The following CACNB2 variants were observed in gnomAD, a reference collection of about 807,000 sequenced individuals.
CACNB2 encodes voltage-dependent L-type calcium channel subunit beta-2.
In CACNB2, 42 loss-of-function variants were observed where a neutral mutation model predicts 73.3. That is an observed-to-expected ratio of 0.57 (90% CI 0.45 to 0.74). The LOEUF is 0.74. Among genes scored for constraint, CACNB2 ranks in the 30% least tolerant of loss-of-function variants. The pLI, the probability that CACNB2 is intolerant of heterozygous loss-of-function variation, is 0.00. For synonymous variants in CACNB2, 348 were observed against 310.3 expected (o/e 1.12, Z -1.28); for missense variants, 940 against 853.0 (o/e 1.10, Z -1.27).
chr10:18,457,756 G>A (rs1003254270), intron 3 of CACNB2, among the ~76,000 whole-genome samples: 4 of 152,128 alleles, frequency 2.6e-5, no homozygotes, highest in South Asian at 2.1e-4. Flanking sequence ...TGGGCATGGT[G>A]GCACATGCCT....
chr10:18,443,129 C>T (rs2046557753), intron 3 of CACNB2, among the ~76,000 whole-genome samples: 1 of 150,342 alleles, frequency 6.7e-6, no homozygotes, highest in Non-Finnish European at 1.5e-5. Flanking sequence ...CTTTAGCATG[C>T]ATTTGACTGA....
At chr10:18,205,291 T>C (rs964015864) in intron 2 of CACNB2, among the ~76,000 whole-genome samples, 27 of 152,184 alleles carry the variant, frequency 1.8e-4, no homozygotes, top group African/African-American at 6.5e-4. Flanking sequence ...ATCCGTATAA[T>C]GGGGACACTA....
chr10:18,479,338 C>CAG (rs1378783721), intron 3 of CACNB2, among the ~76,000 whole-genome samples: 1 of 152,064 alleles, frequency 6.6e-6, no homozygotes, highest in East Asian at 1.9e-4. Context: ...TATCTCTTAA[C>CAG]AGATCTGTGC....
intron 3 of CACNB2, among the ~76,000 whole-genome samples, chr10:18,410,484 C>T (rs188939938): frequency 2.0e-5 from 3 of 151,502 alleles, no homozygotes; most frequent in East Asian, 3.9e-4. Flanking sequence ...TGTTTACGTC[C>T]CATCAGCCTG....
chr10:18,180,837 A>G (rs1474099516), intron 2 of CACNB2, among the ~76,000 whole-genome samples: 3 of 151,962 alleles, frequency 2.0e-5, no homozygotes, highest in African/African-American at 4.8e-5. Flanking sequence ...ATGGTGGCAC[A>G]TGCCTGTAAT....
intron 12 of CACNB2, 58 bp from the exon 13 acceptor site, chr10:18,538,122 G>A (rs776653179): frequency 2.4e-5 from 36 of 1,531,084 alleles, no homozygotes; most frequent in Non-Finnish European, 3.2e-5. Flanking sequence ...TTATGGAGGT[G>A]GGAAGGGGGT....
intron 10 of CACNB2, among the ~76,000 whole-genome samples, chr10:18,527,973 C>A (rs2052644525): frequency 1.3e-5 from 2 of 152,168 alleles, no homozygotes; most frequent in Non-Finnish European, 2.9e-5. Flanking sequence ...ACTCTAAGAT[C>A]TCCTGGCTTT....
rs78397397 is a variant in CACNB2, at chr10:18,403,375, T to C, written c.333+1332T>C. On this transcript the variant is annotated intron_variant, in intron 3 of 13. Transcript: ENST00000324631. ...TTAATATAGGTTGCAGCTGAGAGTCTGAATTCTATATTCTATATTTTGCAT... is the reference window on the plus strand; with the variant it reads ...TTAATATAGGTTGCAGCTGAGAGTCCGAATTCTATATTCTATATTTTGCAT... Among the ~76,000 whole-genome samples the C allele has an allele frequency of 6.4e-3, 974 of 152,360 alleles. 7 individuals carry two copies. The highest frequency in any genetic ancestry group is 0.021 in the African/African-American group (889 of 41,590).
intron 10 of CACNB2, among the ~76,000 whole-genome samples, chr10:18,531,259 G>A (rs1003913420): frequency 6.6e-6 from 1 of 151,928 alleles, no homozygotes. Context: ...TCTGTTTTTT[G>A]TTTTTTAACT....
rs61733968 is a variant in CACNB2, at chr10:18,539,557, C to G, written c.1816C>G (p.Arg606Gly). ...GSSDHRHRES[R>G]HRSRDVDREQ... ...CAGTGACCACAGACACAGGGAGTCC[C>G]GGCACCGTTCCCGGGACGTGGATCG... is the stretch of plus-strand genomic sequence containing the variant. Residue 606 changes from arginine (R) to glycine (G), a missense_variant, in exon 14 of 14, where the codon CGG becomes GGG. Arg to Gly is a moderately radical substitution (Grantham distance 125, BLOSUM62 -2). Transcript: ENST00000324631. The G allele has an allele frequency of 0.015, 24,027 of 1,613,704 alleles. 194 individuals carry two copies. Among genetic ancestry groups the G allele is most frequent in the Non-Finnish European group, 0.019 (21,881 of 1,179,932 alleles).
chr10:18,407,841 T>A (rs530220558), intron 3 of CACNB2, among the ~76,000 whole-genome samples: 1 of 152,228 alleles, frequency 6.6e-6, no homozygotes, highest in East Asian at 1.9e-4. Context: ...TTTTATTCCA[T>A]AGCCATAATA....
intron 2 of CACNB2, among the ~76,000 whole-genome samples, chr10:18,276,728 G>C (rs1201902507): frequency 6.6e-6 from 1 of 152,142 alleles, no homozygotes; most frequent in African/African-American, 2.4e-5. Flanking sequence ...ATAGGCATGT[G>C]CCACCACACC....
chr10:18,150,855 C>CTTTGTTTTTTTTTTTTTTTTTT, intron 1 of CACNB2, 28 bp from the exon 2 acceptor site: 1 of 483,392 alleles, frequency 2.1e-6, no homozygotes, highest in Non-Finnish European at 3.1e-6. Flanking sequence ...TCTTATTTGT[C>CTTTGTTTTTTTTTTTTTTTTTT]TTTTTTTTTT....
At chr10:18,535,997 TTGTGCTGTATATAAA>T (rs2053535478) in intron 11 of CACNB2, 89 bp from the exon 12 acceptor site, 1 of 715,468 alleles carries the variant, frequency 1.4e-6, no homozygotes, top group Admixed American at 2.0e-5. Flanking sequence ...TATAAGCCCC[TTGTGCTGTATATAAA>T]AAGGCCCCAG....
intron 2 of CACNB2, among the ~76,000 whole-genome samples, chr10:18,155,691 G>C (rs183432974): frequency 1.2e-3 from 183 of 152,232 alleles, no homozygotes; most frequent in African/African-American, 4.2e-3. Context: ...GATGGTTTCA[G>C]TTGTCTTACA....
intron 7 of CACNB2, chr10:18,514,910 C>A (rs1420241009): frequency 2.0e-6 from 2 of 999,742 alleles, no homozygotes; most frequent in East Asian, 2.4e-5. Flanking sequence ...TATCCAGATA[C>A]ATAGCTTGTA....
intron 2 of CACNB2, among the ~76,000 whole-genome samples, chr10:18,371,392 G>C (rs962642834): frequency 3.3e-5 from 5 of 151,958 alleles, no homozygotes; most frequent in African/African-American, 7.3e-5. Context: ...GGTGTGTGAT[G>C]TTCCCCTTCC....
intron 5 of CACNB2, among the ~76,000 whole-genome samples, chr10:18,505,780 T>A (rs1301701174): frequency 6.6e-6 from 1 of 152,230 alleles, no homozygotes; most frequent in Non-Finnish European, 1.5e-5. Context: ...TCTGAGACAC[T>A]GCAGTATATC....
intron 3 of CACNB2, among the ~76,000 whole-genome samples, chr10:18,485,016 G>A (rs1159891656): frequency 2.0e-5 from 3 of 152,026 alleles, no homozygotes; most frequent in African/African-American, 7.2e-5. Flanking sequence ...GTAGCCAGAT[G>A]TCATAGCGCA....
Sources: gnomAD v4.1 joint callset for allele counts (sites outside exome capture counted in the v4.1 genomes callset) on GRCh38, gnomAD v4.1.1 for gene constraint, MANE v1.5 for transcripts, NCBI Gene and HGNC (gene_info 2026-07-23, HGNC 2026-07-21) for gene names.